NELL1: variants seen among roughly 807,000 people sequenced by gnomAD.
NELL1 encodes neural EGFL like 1.
A neutral mutation model predicts 107.4 loss-of-function variants in NELL1; 76 were observed. That is an observed-to-expected ratio of 0.71 (90% CI 0.59 to 0.86). The LOEUF (loss-of-function observed/expected upper bound fraction) is 0.86, where lower values mean the gene tolerates loss of function less well. Among genes scored for constraint, NELL1 ranks in the 40% least tolerant of loss-of-function variants. The pLI, the probability that NELL1 is intolerant of heterozygous loss-of-function variation, is 0.00. For synonymous variants in NELL1, 353 were observed against 341.2 expected, an observed-to-expected ratio of 1.03 and a Z score of -0.38; for missense variants, 1,024 against 1,005.5, an observed-to-expected ratio of 1.02 and a Z score of -0.25.
intron 13 of NELL1, among the ~76,000 whole-genome samples, chr11:21,116,205 G>T (rs1277968975): frequency 6.6e-6 from 1 of 151,950 alleles, no homozygotes; most frequent in East Asian, 1.9e-4. Flanking sequence ...GCTCTTTAAA[G>T]CACATGTTTT....
chr11:21,234,348 A>G (rs1247192014), intron 14 of NELL1, among the ~76,000 whole-genome samples: 1 of 151,938 alleles, frequency 6.6e-6, no homozygotes, highest in South Asian at 2.1e-4. Flanking sequence ...AGGCTTGGGG[A>G]TATTTTTGGG....
intron 13 of NELL1, among the ~76,000 whole-genome samples, chr11:21,193,185 G>T (rs1030630646): frequency 4.6e-5 from 7 of 151,750 alleles, no homozygotes; most frequent in Admixed American, 4.6e-4. Flanking sequence ...AGGTAAATGG[G>T]GTAATTTTTA....
rs78767191 is a variant in NELL1, at chr11:21,257,544, A to C, written c.1549+28090A>C. 4.8e-3 allele frequency among the ~76,000 whole-genome samples: 729 copies of C among 152,060 alleles called. 9 individuals are homozygous for C. Among genetic ancestry groups the C allele is most frequent in the African/African-American group, 0.016 (679 of 41,522 alleles). On this transcript the variant is annotated intron_variant, in intron 14 of 19. Coordinates refer to ENST00000357134, the MANE Select transcript of NELL1 (RefSeq NM_006157.5). ...CTGGAATCTGAGCCCCTCTTGAGACAACCTAGTATGTCAGAGAGACACACT... is the reference window on the plus strand; with the variant it reads ...CTGGAATCTGAGCCCCTCTTGAGACCACCTAGTATGTCAGAGAGACACACT...
intron 15 of NELL1, among the ~76,000 whole-genome samples, chr11:21,528,460 G>C (rs1367805731): frequency 7.8e-6 from 1 of 128,142 alleles, no homozygotes; most frequent in African/African-American, 2.8e-5. Flanking sequence ...TGGTTCATCA[G>C]TTTCTCTCTC....
intron 12 of NELL1, among the ~76,000 whole-genome samples, chr11:20,962,506 T>C (rs1021138289): frequency 1.3e-5 from 2 of 152,208 alleles, no homozygotes; most frequent in Non-Finnish European, 2.9e-5. Flanking sequence ...TAGCCACCAT[T>C]CCTGACCCCA....
intron 12 of NELL1, among the ~76,000 whole-genome samples, chr11:21,097,196 C>A (rs1296054748): frequency 6.6e-6 from 1 of 152,108 alleles, no homozygotes; most frequent in Non-Finnish European, 1.5e-5. Context: ...AACGTAGTCA[C>A]CGATGCTCTG....
chr11:21,522,938 G>A (rs1426216649), intron 15 of NELL1, among the ~76,000 whole-genome samples: 4 of 137,610 alleles, frequency 2.9e-5, no homozygotes, highest in Admixed American at 8.0e-5. Context: ...TCTGCCTCCC[G>A]GGTTCACGCC....
rs570543123 is a variant in NELL1, at chr11:20,884,327, T to A, written c.507-1117T>A. On this transcript the variant is annotated intron_variant, in intron 4 of 19. Coordinates refer to ENST00000357134, the MANE Select transcript of NELL1 (RefSeq NM_006157.5). ...CGCCCTCTGGCAGGAGGCAGTCAGC[T>A]CCATCACAGCAGGGAGGAGTGATGA... Among the ~76,000 whole-genome samples the A allele has an allele frequency of 2.4e-4, 36 of 152,270 alleles. No homozygotes were observed. The South Asian group carries it at 7.1e-3, about 30-fold the overall frequency.
At chr11:21,138,036 CTT>C (rs1231719212) in intron 13 of NELL1, among the ~76,000 whole-genome samples, 4 of 152,108 alleles carry the variant, frequency 2.6e-5, no homozygotes, top group Admixed American at 2.6e-4. Flanking sequence ...ATTCTCAGCA[CTT>C]TGTTTGGCAA....
At chr11:20,676,224 C>A (rs919134505) in intron 1 of NELL1, among the ~76,000 whole-genome samples, 6 of 151,894 alleles carry the variant, frequency 4.0e-5, no homozygotes, top group Non-Finnish European at 8.8e-5. Flanking sequence ...TTGAAAGAAA[C>A]TTTTCAACCC....
At chr11:20,686,740 C>G (rs1854314601) in intron 2 of NELL1, among the ~76,000 whole-genome samples, 2 of 152,114 alleles carry the variant, frequency 1.3e-5, no homozygotes, top group Non-Finnish European at 2.9e-5. Flanking sequence ...GAGAAACTTT[C>G]AGGTGGAATT....
intron 14 of NELL1, among the ~76,000 whole-genome samples, chr11:21,278,534 G>A (rs906840191): frequency 7.2e-5 from 11 of 152,028 alleles, no homozygotes; most frequent in Middle Eastern, 3.4e-3. Context: ...AAACAATGCC[G>A]GTTATATTAG....
intron 15 of NELL1, among the ~76,000 whole-genome samples, chr11:21,487,648 T>C (rs903487575): frequency 6.6e-6 from 1 of 150,948 alleles, no homozygotes; most frequent in Non-Finnish European, 1.5e-5. Flanking sequence ...CAGAAAACAA[T>C]GAACAATATG....
At chr11:21,156,319 C>G (rs2133793128) in intron 13 of NELL1, among the ~76,000 whole-genome samples, 1 of 152,258 alleles carries the variant, frequency 6.6e-6, no homozygotes, top group African/African-American at 2.4e-5. Flanking sequence ...AATGATTTTG[C>G]TCCAGCAGGG....
At chr11:20,822,196 G>C (rs1857771095) in intron 3 of NELL1, among the ~76,000 whole-genome samples, 1 of 152,184 alleles carries the variant, frequency 6.6e-6, no homozygotes, top group African/African-American at 2.4e-5. Flanking sequence ...TTGGAAACCA[G>C]GCAGACAGAC....
chr11:20,905,727 C>T (rs925200401), intron 5 of NELL1, among the ~76,000 whole-genome samples: 2 of 151,892 alleles, frequency 1.3e-5, no homozygotes, highest in Admixed American at 1.3e-4. Context: ...TTGAAATTAA[C>T]AAGGCTGTGG....
chr11:21,394,896 A>C, intron 15 of NELL1, among the ~76,000 whole-genome samples: 1 of 151,498 alleles, frequency 6.6e-6, no homozygotes, highest in East Asian at 2.0e-4. Flanking sequence ...AAGTTCTCCT[A>C]CCCAGAAGGA....
intron 14 of NELL1, among the ~76,000 whole-genome samples, chr11:21,249,380 A>G (rs987106237): frequency 6.6e-6 from 1 of 152,050 alleles, no homozygotes; most frequent in Non-Finnish European, 1.5e-5. Context: ...CAACAGATAT[A>G]TTCTTGAAAG....
intron 2 of NELL1, among the ~76,000 whole-genome samples, chr11:20,702,992 A>C (rs888759478): frequency 1.3e-5 from 2 of 151,974 alleles, no homozygotes; most frequent in African/African-American, 4.8e-5. Flanking sequence ...TGTCTCTGCC[A>C]GGCTTTGGAT....
Sources: allele counts gnomAD v4.1 joint callset (sites outside exome capture counted in the v4.1 genomes callset), GRCh38; gene constraint gnomAD v4.1.1; transcripts MANE v1.5; gene names NCBI Gene and HGNC (gene_info 2026-07-23, HGNC 2026-07-21).